Variants in LCN2 observed in about 807,000 individuals in gnomAD.
The protein encoded by LCN2 is neutrophil gelatinase-associated lipocalin.
Under a neutral mutation model 26.4 loss-of-function variants are expected in LCN2, and 27 were observed. The ratio of observed to expected loss-of-function variants is 1.02; its 90% confidence interval spans 0.76 to 1.41. The LOEUF is 1.41. Among genes scored for constraint, LCN2 ranks in the 40% most tolerant of loss-of-function variants. The probability of loss-of-function intolerance (pLI) is 0.00; values close to 1 mark genes in which losing one functional copy is unlikely to be tolerated. For missense variants in LCN2, 224 were observed against 237.6 expected, an observed-to-expected ratio of 0.94 and a Z score of 0.38; for synonymous variants, 94 against 98.9, an observed-to-expected ratio of 0.95 and a Z score of 0.30.
At chr9:128,152,087 CGGT>C in intron 4 of LCN2, 62 bp downstream of exon 4, 1 of 1,610,714 alleles carries the variant, frequency 6.2e-7, no homozygotes, top group South Asian at 1.1e-5. Flanking sequence ...GAGGGGAGGC[CGGT>C]CCCCCATGAG....
intron 4 of LCN2, 70 bp from the exon 5 acceptor site, chr9:128,152,112 AG>A: frequency 6.2e-7 from 1 of 1,606,582 alleles, no homozygotes; most frequent in Non-Finnish European, 8.5e-7. Context: ...AAGGGATCTG[AG>A]GCCTCATCTA....
intron 2 of LCN2, chr9:128,151,329 G>A (rs12006030): frequency 1.1e-5 from 6 of 560,716 alleles, no homozygotes; most frequent in East Asian, 2.9e-5. Context: ...TGGGTGGCGG[G>A]GGGGGTGAAA....
rs1198549871 is a variant in LCN2 at position 128,150,269 on chromosome 9, C to A, written c.170C>A (p.Ala57Glu). ...GGGAAGTGGTATGTGGTAGGCCTGG[C>A]AGGGAATGCAATTCTCAGAGAAGAC... ...FQGKWYVVGLAGNAILREDKD... is the reference protein window; with the variant it reads ...FQGKWYVVGLEGNAILREDKD... Residue 57 changes from alanine to glutamate, a missense_variant, in exon 2 of 7, where the codon GCA becomes GAA. By Grantham distance (107) the Ala-to-Glu change is moderately radical (BLOSUM62 -1). Coordinates refer to ENST00000277480, the MANE Select transcript of LCN2 (RefSeq NM_005564.5). 5 of 1,614,082 alleles carry A rather than the reference C, an allele frequency of 3.1e-6. No homozygotes were observed. The Admixed American group carries it at 5.0e-5, about 16-fold the overall frequency.
intron 5 of LCN2, among the ~76,000 whole-genome samples, chr9:128,152,866 C>T (rs2130878728): frequency 6.6e-6 from 1 of 152,284 alleles, no homozygotes; most frequent in Admixed American, 6.5e-5. Flanking sequence ...GGAGCTGGGC[C>T]TCACTCAGGG....
intron 5 of LCN2, among the ~76,000 whole-genome samples, 176 bp from the exon 6 acceptor site, chr9:128,152,924 C>T (rs1401282384): frequency 1.3e-5 from 2 of 152,178 alleles, no homozygotes; most frequent in Non-Finnish European, 2.9e-5. Context: ...CTGCCATCCA[C>T]CCCTCTGTTG....
intron 2 of LCN2, among the ~76,000 whole-genome samples, chr9:128,150,878 G>A (rs540705199): frequency 3.9e-5 from 6 of 152,354 alleles, no homozygotes; most frequent in South Asian, 2.1e-4. Context: ...CCGCCCCAGC[G>A]GATCTGCTGC....
chr9:128,150,964 C>A (rs1246529938), intron 2 of LCN2, among the ~76,000 whole-genome samples: 1 of 152,146 alleles, frequency 6.6e-6, no homozygotes, highest in East Asian at 1.9e-4. Context: ...GGTCGGGAGA[C>A]CAGCGAAAGT....
chr9:128,152,396 A>ACCATCCACT, intron 5 of LCN2, 112 bp downstream of exon 5: 5 of 923,456 alleles, frequency 5.4e-6, no homozygotes, highest in Non-Finnish European at 8.5e-6. Flanking sequence ...CAGTCACTGG[A>ACCATCCACT]GCAGTGGATG....
Position 128,153,441 on chromosome 9 carries a change from A to C in LCN2, c.*138A>C. ...GCCCCACCTTGTCTGCTAAATAAAC[A>C]TGTGCCCTCAGGCCTCTGAGTCTAC... On this transcript the variant is annotated 3_prime_UTR_variant, in exon 7 of 7. Coordinates refer to ENST00000277480, the MANE Select transcript of LCN2 (RefSeq NM_005564.5). This position sits in a 1 kb window ranked among gnomAD's most constrained non-coding sequence, Gnocchi z 5.4. 6 of 475,742 alleles carry C rather than the reference A, an allele frequency of 1.3e-5. No homozygotes were observed. The highest frequency in any genetic ancestry group is 8.0e-5 in the East Asian group (2 of 24,960). The allele number at this position is 475,742 out of a possible 1,614,324, so 29.5% of individuals were successfully genotyped here.
Position 128,153,193 on chromosome 9 carries a change from G to T in LCN2, c.*7+67G>T. ...CAGGGTGCAGTGGGCTGGGGGTCTTGGGCCTGCCTTTGCTCATCCCCCTGC... is the reference window on the plus strand; with the variant it reads ...CAGGGTGCAGTGGGCTGGGGGTCTTTGGCCTGCCTTTGCTCATCCCCCTGC... On this transcript the variant is annotated intron_variant, in intron 6 of 6. Coordinates refer to ENST00000277480, the MANE Select transcript of LCN2 (RefSeq NM_005564.5). This position sits in a 1 kb window ranked among gnomAD's most constrained non-coding sequence, Gnocchi z 5.4. 6.3e-7 allele frequency: 1 copy of T among 1,591,810 alleles called. No homozygotes were observed. The highest frequency in any genetic ancestry group is 8.6e-7 in the Non-Finnish European group (1 of 1,161,210).
chr9:128,150,018 C>T (rs1834989867), intron 1 of LCN2, among the ~76,000 whole-genome samples: 1 of 152,056 alleles, frequency 6.6e-6, no homozygotes, highest in Admixed American at 6.5e-5. Flanking sequence ...ACCCTCCTCC[C>T]TGCCAGACTC....
chr9:128,150,650 C>T, intron 2 of LCN2: 3 of 608,420 alleles, frequency 4.9e-6, no homozygotes, highest in Non-Finnish European at 9.2e-6. Flanking sequence ...CAGCCTGGAA[C>T]CCCACCCAGT....
rs754436745 is a variant in LCN2, at chr9:128,152,292, C to A, written c.577+8C>A. On this transcript the variant is annotated splice_region_variant and intron_variant, in intron 5 of 6. Transcript: ENST00000277480. The stretch of plus-strand genomic sequence containing the variant: ...TCTTCCCTGTCCCAATCGGTAATGG[C>A]CAGTCTGGATGAGGGGACGGGGACA... The A allele has an allele frequency of 6.2e-6, 10 of 1,611,078 alleles. No individual in the cohort carries two copies. In the East Asian group the frequency reaches 2.2e-4, roughly 36 times the overall value.
At position 128,150,788 on chromosome 9, in the gene LCN2, G is replaced by C. The variant is rs536836083; in HGVS notation, c.275+414G>C. Among the ~76,000 whole-genome samples the C allele has an allele frequency of 3.3e-5, 5 of 152,336 alleles. 1 individual carries two copies. The highest frequency in any genetic ancestry group is 3.3e-4 in the Admixed American group (5 of 15,312). ...CCCCTTCAGGAAGGAGCAAGCCATCGCAGGGTCACCCTGAGCAGAGCTGCT... is the reference window on the plus strand; with the variant it reads ...CCCCTTCAGGAAGGAGCAAGCCATCCCAGGGTCACCCTGAGCAGAGCTGCT... On this transcript the variant is annotated intron_variant, in intron 2 of 6. Transcript: ENST00000277480.
chr9:128,149,762 C>T (rs1834987275), intron 1 of LCN2, 99 bp downstream of exon 1: 1 of 1,439,312 alleles, frequency 6.9e-7, no homozygotes, highest in East Asian at 2.3e-5. Flanking sequence ...TTGGGCAGGA[C>T]TCTAGGAGTC....
At chr9:128,150,396 G>A (rs769462079) in intron 2 of LCN2, 22 bp downstream of exon 2, 2 of 1,614,192 alleles carry the variant, frequency 1.2e-6, no homozygotes, top group Non-Finnish European at 8.5e-7. Flanking sequence ...CATCTCCTGG[G>A]GGTGTGAGAG....
intron 4 of LCN2, 72 bp from the exon 5 acceptor site, chr9:128,152,111 G>A (rs1835014272): frequency 6.2e-7 from 1 of 1,607,356 alleles, no homozygotes; most frequent in East Asian, 2.2e-5. Flanking sequence ...GAAGGGATCT[G>A]AGGCCTCATC....
In LCN2 at chr9:128,149,645, G is replaced by A; in HGVS notation, c.120G>A (p.Gln40=). The A allele has an allele frequency of 6.2e-7, 1 of 1,613,984 alleles. No homozygotes were observed. Among genetic ancestry groups the A allele is most frequent in the African/African-American group, 1.3e-5 (1 of 75,048 alleles). ...APPLSKVPLQ[Q]NFQDNQFQGK... is the part of the protein sequence containing the mutation. ...CTCTGAGCAAGGTCCCTCTGCAGCAGAACTTCCAGGACAACCAAGTAAGGG... is the reference window on the plus strand; with the variant it reads ...CTCTGAGCAAGGTCCCTCTGCAGCAAAACTTCCAGGACAACCAAGTAAGGG... Residue 40 remains glutamine, a synonymous_variant, in exon 1 of 7, where the codon CAG becomes CAA. Transcript: ENST00000277480.
intron 2 of LCN2, chr9:128,150,636 G>A (rs895381023): frequency 2.2e-5 from 14 of 626,216 alleles, no homozygotes; most frequent in Admixed American, 6.3e-5. Flanking sequence ...GGGGACACTG[G>A]ATCCAGCCTG....
Sources: gnomAD v4.1 joint callset for allele counts (sites outside exome capture counted in the v4.1 genomes callset) on GRCh38, gnomAD v4.1.1 for gene constraint, Gnocchi (gnomAD v3.1) non-coding constraint, MANE v1.5 for transcripts, NCBI Gene and HGNC (gene_info 2026-07-23, HGNC 2026-07-21) for gene names.